Variants in CASC3 observed in about 807,000 individuals in gnomAD.
CASC3 encodes the protein protein CASC3.
CASC3 carries 30 observed loss-of-function variants against 80.5 expected under a neutral mutation model. The observed-to-expected ratio is 0.37, with a 90% confidence interval of 0.28 to 0.51. The LOEUF is 0.51. Among genes scored for constraint, CASC3 ranks in the 20% least tolerant of loss-of-function variants. CASC3 has a pLI of 0.94. For missense variants in CASC3, 824 were observed against 922.2 expected (o/e 0.89, Z 1.38); for synonymous variants, 312 against 333.6 (o/e 0.94, Z 0.70).
chr17:40,171,948 C>T lies in CASC3; in HGVS notation c.*1543C>T. 2 of 1,283,614 alleles carry T rather than the reference C, an allele frequency of 1.6e-6. No individual in the cohort carries two copies. The highest frequency in any genetic ancestry group is 1.0e-6 in the Non-Finnish European group (1 of 984,798). The allele number at this position is 1,283,614 out of a possible 1,614,324, so 79.5% of individuals were successfully genotyped here. The stretch of plus-strand genomic sequence containing the variant: ...AGCTGGTGGTTGTGCCTTTTGTAGG[C>T]TGTTCCCTTTGCCTTAAACCTGAAG... On this transcript the variant is annotated 3_prime_UTR_variant, in exon 14 of 14. Transcript: ENST00000264645.
At chr17:40,165,209 C>T (rs1301537651) in intron 7 of CASC3, among the ~76,000 whole-genome samples, 1 of 152,100 alleles carries the variant, frequency 6.6e-6, no homozygotes, top group African/African-American at 2.4e-5. Flanking sequence ...AGGCATGAGC[C>T]ACCGTGCCTG....
Position 40,141,067 on chromosome 17 carries a change from A to G in CASC3, c.232-140A>G, listed in dbSNP as rs116308826. On this transcript the variant is annotated intron_variant, in intron 1 of 13. Transcript: ENST00000264645. ...GGAGACCAGACCTGCCTTGGCTACT[A>G]CTTGATAAAGATTTACCTATCTCTG... 1,476 of 808,720 alleles carry G rather than the reference A, an allele frequency of 1.8e-3. 20 individuals carry two copies. In the African/African-American group the frequency reaches 0.023, roughly 12 times the overall value. 50.1% of individuals were successfully genotyped at this position (808,720 alleles called of 1,614,324 possible). A position where few individuals can be genotyped will look rare whatever the true frequency, so the allele number is the denominator to read the frequency against.
intron 3 of CASC3, among the ~76,000 whole-genome samples, chr17:40,158,272 C>T (rs1989201550): frequency 6.6e-6 from 1 of 152,152 alleles, no homozygotes. Context: ...TGTTGAGCCT[C>T]TTTGACCAGA....
At chr17:40,169,515 T>G in intron 12 of CASC3, 69 bp downstream of exon 12, 2 of 1,572,724 alleles carry the variant, frequency 1.3e-6, no homozygotes, top group Non-Finnish European at 1.7e-6. Context: ...CCCAGAGGAT[T>G]TCCCTCATTT....
At chr17:40,147,587 G>A (rs1988892563) in intron 3 of CASC3, among the ~76,000 whole-genome samples, 1 of 152,110 alleles carries the variant, frequency 6.6e-6, no homozygotes, top group Non-Finnish European at 1.5e-5. Flanking sequence ...GGTCAAAGCA[G>A]TAGAGCTGTG....
chr17:40,166,689 A>G, intron 7 of CASC3, 108 bp from the exon 8 acceptor site: 2 of 667,574 alleles, frequency 3.0e-6, no homozygotes, highest in Non-Finnish European at 5.0e-6. Flanking sequence ...TAGTTAAAAG[A>G]AAAAAGGCAT....
chr17:40,148,203 T>A (rs1988907248), intron 3 of CASC3, among the ~76,000 whole-genome samples: 1 of 152,124 alleles, frequency 6.6e-6, no homozygotes, highest in Non-Finnish European at 1.5e-5. Context: ...TTTCTGAGAT[T>A]TGTTGCTTTT....
At chr17:40,161,180 A>T (rs897473491) in intron 3 of CASC3, among the ~76,000 whole-genome samples, 1 of 151,996 alleles carries the variant, frequency 6.6e-6, no homozygotes, top group African/African-American at 2.4e-5. Flanking sequence ...GGGTTTTGCC[A>T]TGCTGGCCAG....
chr17:40,153,839 C>T (rs547452888), intron 3 of CASC3, among the ~76,000 whole-genome samples: 6 of 151,936 alleles, frequency 3.9e-5, no homozygotes, highest in Non-Finnish European at 8.8e-5. Flanking sequence ...TTTGGGAGGC[C>T]GAGTCAGACG....
intron 7 of CASC3, 114 bp from the exon 8 acceptor site, chr17:40,166,683 T>G: frequency 1.5e-6 from 1 of 646,316 alleles, no homozygotes; most frequent in South Asian, 2.2e-5. Flanking sequence ...TTTTATTAGT[T>G]AAAAGAAAAA....
chr17:40,162,564 G>A (rs1393607114), intron 5 of CASC3, among the ~76,000 whole-genome samples, 161 bp from the exon 6 acceptor site: 1 of 152,070 alleles, frequency 6.6e-6, no homozygotes, highest in African/African-American at 2.4e-5. Flanking sequence ...TGTGATTCAC[G>A]CTTGCTTTGG....
At chr17:40,168,170 T>C (rs1298487862) in intron 10 of CASC3, 33 bp from the exon 11 acceptor site, 2 of 1,585,512 alleles carry the variant, frequency 1.3e-6, no homozygotes, top group East Asian at 4.5e-5. Flanking sequence ...TGATGTTACT[T>C]TATTTTTCAG....
chr17:40,152,344 G>A (rs1301769549), intron 3 of CASC3, among the ~76,000 whole-genome samples: 2 of 150,738 alleles, frequency 1.3e-5, no homozygotes, highest in African/African-American at 2.4e-5. Context: ...TTTTTGAGAC[G>A]GAGTTTCACT....
intron 3 of CASC3, among the ~76,000 whole-genome samples, chr17:40,159,350 C>T (rs1989230972): frequency 6.6e-6 from 1 of 152,090 alleles, no homozygotes; most frequent in Non-Finnish European, 1.5e-5. Flanking sequence ...AAAATGTAAA[C>T]TTAAAGTGTT....
chr17:40,167,120 C>T, intron 8 of CASC3: 1 of 512,364 alleles, frequency 2.0e-6, no homozygotes, highest in Non-Finnish European at 3.4e-6. Context: ...TGCCATCATG[C>T]CCAGCTAATT....
chr17:40,149,429 G>A (rs1896852887), intron 3 of CASC3, among the ~76,000 whole-genome samples: 1 of 151,682 alleles, frequency 6.6e-6, no homozygotes, highest in South Asian at 2.1e-4. Context: ...ACTTGTTAAA[G>A]AAATTTGACT....
At chr17:40,141,473 T>C (rs1988715757) in intron 2 of CASC3, 97 bp from the exon 3 acceptor site, 3 of 1,036,006 alleles carry the variant, frequency 2.9e-6, no homozygotes, top group Non-Finnish European at 4.5e-6. Context: ...TGTAGGTTGA[T>C]GTCAGAATTA....
Position 40,140,707 on chromosome 17 carries a change from A to C in CASC3, c.159A>C (p.Gly53=). 1 of 1,573,668 alleles carries C rather than the reference A, an allele frequency of 6.4e-7. No homozygotes were observed. The highest frequency in any genetic ancestry group is 8.6e-7 in the Non-Finnish European group (1 of 1,162,022). The change falls in exon 1 of 14, where the codon GGA becomes GGC. Residue 53 remains glycine, a synonymous_variant. Coordinates refer to ENST00000264645, the MANE Select transcript of CASC3 (RefSeq NM_007359.5). ...GGSGSLPSQR[G]GRTGALHLRR... The stretch of plus-strand genomic sequence containing the variant: ...GCGGCTCTCTGCCTTCACAGCGCGG[A>C]GGCCGAACCGGGGCCCTTCATCTGC...
In CASC3 at chr17:40,163,684, A is replaced by G. The variant is rs1185246060; in HGVS notation, c.989A>G (p.Glu330Gly). The G allele has an allele frequency of 6.2e-7, 1 of 1,614,180 alleles. No individual in the cohort carries two copies. Among genetic ancestry groups the G allele is most frequent in the Non-Finnish European group, 8.5e-7 (1 of 1,180,024 alleles). ...GGTCGTGCTGGTTTTAGGCCTGTGG[A>G]AGCTGGTGGGCAGCATGGTGGCCGG... ...KEGRAGFRPV[E>G]AGGQHGGRSG... Residue 330 changes from glutamate to glycine, a missense_variant, in exon 7 of 14, where the codon GAA becomes GGA. Around this residue, in one of 3 missense-constraint regions of CASC3, gnomAD observed 464 missense variants for 506.0 expected, o/e 0.92. Transcript: ENST00000264645.
Sources: allele counts gnomAD v4.1 joint callset (sites outside exome capture counted in the v4.1 genomes callset), GRCh38; gene constraint gnomAD v4.1.1; regional missense constraint gnomAD v4.1.1; transcripts MANE v1.5; gene names NCBI Gene and HGNC (gene_info 2026-07-23, HGNC 2026-07-21).